Variants in NRXN3 observed in about 807,000 individuals in gnomAD.
NRXN3 encodes the protein neurexin III.
NRXN3 carries 32 observed loss-of-function variants against 137.6 expected under a neutral mutation model. The ratio of observed to expected loss-of-function variants is 0.23; its 90% CI spans 0.18 to 0.31. NRXN3 has a LOEUF of 0.31. NRXN3 is among the 10% of genes least tolerant of loss of function. The probability of loss-of-function intolerance (pLI) is 1.00; values close to 1 mark genes in which losing one functional copy is unlikely to be tolerated. For missense variants in NRXN3, 1,574 were observed against 2,062.5 expected (o/e 0.76, Z 4.59); for synonymous variants, 798 against 784.5 (o/e 1.02, Z -0.29).
chr14:79,482,108 G>A (rs1488237357), intron 16 of NRXN3, among the ~76,000 whole-genome samples: 1 of 152,174 alleles, frequency 6.6e-6, no homozygotes, highest in Non-Finnish European at 1.5e-5. Flanking sequence ...CTGCATCTTA[G>A]CATAATTCAG....
intron 15 of NRXN3, among the ~76,000 whole-genome samples, chr14:79,395,374 A>G (rs1161401869): frequency 2.0e-5 from 3 of 152,186 alleles, no homozygotes; most frequent in African/African-American, 7.2e-5. Context: ...AAGCAGTGGC[A>G]TATTATCTTG....
chr14:78,771,682 A>G (rs1253134884), intron 8 of NRXN3, among the ~76,000 whole-genome samples: 4 of 152,240 alleles, frequency 2.6e-5, no homozygotes, highest in Non-Finnish European at 5.9e-5. Flanking sequence ...GCCTGAGTAG[A>G]ATAGAAAATG....
At chr14:78,171,802 A>C (rs1476101389) in intron 1 of NRXN3, among the ~76,000 whole-genome samples, 1 of 152,218 alleles carries the variant, frequency 6.6e-6, no homozygotes, top group African/African-American at 2.4e-5. Context: ...GGATGTAGAA[A>C]TATCATCATG....
chr14:78,772,219 A>C (rs1055966701), intron 8 of NRXN3, among the ~76,000 whole-genome samples: 4 of 152,338 alleles, frequency 2.6e-5, no homozygotes, highest in Admixed American at 6.5e-5. Flanking sequence ...TCTATAGGCA[A>C]GTGACACTGG....
At chr14:79,488,691 C>T (rs1242838739) in intron 16 of NRXN3, among the ~76,000 whole-genome samples, 1 of 152,036 alleles carries the variant, frequency 6.6e-6, no homozygotes, top group Non-Finnish European at 1.5e-5. Flanking sequence ...GGGTCATTGA[C>T]CAGAAACTCT....
intron 4 of NRXN3, among the ~76,000 whole-genome samples, chr14:78,582,680 T>A (rs2097014550): frequency 6.6e-6 from 1 of 152,212 alleles, no homozygotes; most frequent in African/African-American, 2.4e-5. Flanking sequence ...CACCTTGATA[T>A]TGAACTTCCC....
intron 4 of NRXN3, among the ~76,000 whole-genome samples, chr14:78,611,672 A>G (rs1313935235): frequency 6.6e-6 from 1 of 152,188 alleles, no homozygotes; most frequent in Non-Finnish European, 1.5e-5. Context: ...CAGCAGCTGC[A>G]TTGCAAGTCA....
intron 4 of NRXN3, among the ~76,000 whole-genome samples, chr14:78,409,725 A>G (rs938277507): frequency 2.0e-5 from 3 of 152,230 alleles, no homozygotes; most frequent in African/African-American, 4.8e-5. Flanking sequence ...TAAGGAGCTT[A>G]TTGAAAAGAT....
At chr14:79,619,700 A>C (rs2153896556) in intron 16 of NRXN3, among the ~76,000 whole-genome samples, 1 of 152,188 alleles carries the variant, frequency 6.6e-6, no homozygotes, top group South Asian at 2.1e-4. Flanking sequence ...CCAACCATAA[A>C]ATATTTATTC....
chr14:79,761,082 G>A (rs1172003832), intron 19 of NRXN3, among the ~76,000 whole-genome samples: 1 of 151,640 alleles, frequency 6.6e-6, no homozygotes, highest in Non-Finnish European at 1.5e-5. Flanking sequence ...GAGAGATCCC[G>A]CCCTCTGGAG....
intron 4 of NRXN3, among the ~76,000 whole-genome samples, chr14:78,616,964 A>G (rs998369113): frequency 3.0e-4 from 45 of 152,282 alleles, no homozygotes; most frequent in African/African-American, 1.0e-3. Context: ...TGCATTATCG[A>G]CTTCCTGGCT....
At position 79,827,988 on chromosome 14, in the gene NRXN3, A is replaced by G. The variant is rs556223249; in HGVS notation, c.4093+22798A>G. ...TGGGATTACAGGCGTGAGCCACAGC[A>G]CCTGGCCGCCACAAACTTTTATATG... On this transcript the variant is annotated intron_variant, in intron 20 of 20. Coordinates refer to ENST00000335750, the MANE Select transcript of NRXN3 (RefSeq NM_001330195.2). 2.2e-3 allele frequency among the ~76,000 whole-genome samples: 328 copies of G among 152,030 alleles called. 2 individuals carry two copies. Among genetic ancestry groups the G allele is most frequent in the Non-Finnish European group, 3.9e-3 (268 of 67,962 alleles).
chr14:79,705,711 C>T (rs1175361914), intron 19 of NRXN3, among the ~76,000 whole-genome samples: 1 of 152,120 alleles, frequency 6.6e-6, no homozygotes, highest in African/African-American at 2.4e-5. Context: ...CCTCACTTCA[C>T]CCAGGTTTCC....
At chr14:78,606,953 C>G in intron 4 of NRXN3, among the ~76,000 whole-genome samples, 1 of 152,146 alleles carries the variant, frequency 6.6e-6, no homozygotes, top group Non-Finnish European at 1.5e-5. Flanking sequence ...TTTCCTTAAG[C>G]TTTCATTGTT....
At chr14:78,298,040 G>A (rs993063950) in intron 4 of NRXN3, among the ~76,000 whole-genome samples, 180 bp downstream of exon 4, 57 of 152,344 alleles carry the variant, frequency 3.7e-4, no homozygotes, top group Admixed American at 2.8e-3. Flanking sequence ...TTGATGCATC[G>A]TGGTTTCCCA....
At chr14:79,475,118 A>C (rs1486830129) in intron 16 of NRXN3, among the ~76,000 whole-genome samples, 1 of 152,144 alleles carries the variant, frequency 6.6e-6, no homozygotes, top group African/African-American at 2.4e-5. Flanking sequence ...CTTGCCACCA[A>C]GTACACTGGA....
chr14:78,695,415 T>A (rs1483603347), intron 6 of NRXN3: 1 of 152,078 alleles, frequency 6.6e-6, no homozygotes, highest in Non-Finnish European at 1.5e-5. Context: ...TCTAAGAACA[T>A]TGTTTGCTTA....
At chr14:78,932,232 G>A (rs1460767252) in intron 10 of NRXN3, among the ~76,000 whole-genome samples, 1 of 152,068 alleles carries the variant, frequency 6.6e-6, no homozygotes, top group Non-Finnish European at 1.5e-5. Flanking sequence ...AGAAGTAGGG[G>A]AAGTTAGGCT....
intron 4 of NRXN3, among the ~76,000 whole-genome samples, chr14:78,390,861 T>C (rs972998563): frequency 2.0e-5 from 3 of 152,168 alleles, no homozygotes; most frequent in Non-Finnish European, 4.4e-5. Flanking sequence ...CCATGGTGGT[T>C]TGCTGCACCT....
Sources: gnomAD v4.1 joint callset for allele counts (sites outside exome capture counted in the v4.1 genomes callset) on GRCh38, gnomAD v4.1.1 for gene constraint, MANE v1.5 for transcripts, NCBI Gene and HGNC (gene_info 2026-07-23, HGNC 2026-07-21) for gene names.